The following KDM4C variants were observed in gnomAD, a reference collection of about 807,000 sequenced individuals.
KDM4C encodes the protein lysine demethylase 4C, also known as lysine-specific demethylase 4C.
In KDM4C, 81 loss-of-function variants were observed where a neutral mutation model predicts 129.3. That is an observed-to-expected ratio of 0.63 (90% CI 0.52 to 0.75). KDM4C has a LOEUF of 0.75. KDM4C is among the 30% of genes least tolerant of loss of function. The pLI is 0.00. For synonymous variants in KDM4C, 573 were observed against 456.1 expected (o/e 1.26, Z -3.26); for missense variants, 1,457 against 1,304.0 (o/e 1.12, Z -1.81).
At chr9:6,987,843 T>G (rs1365249370) in intron 11 of KDM4C, among the ~76,000 whole-genome samples, 1 of 152,014 alleles carries the variant, frequency 6.6e-6, no homozygotes, top group Non-Finnish European at 1.5e-5. Context: ...GAAAATAGCA[T>G]TCACATACTA....
At chr9:7,167,251 A>C (rs1359990635) in intron 20 of KDM4C, among the ~76,000 whole-genome samples, 1 of 152,178 alleles carries the variant, frequency 6.6e-6, no homozygotes, top group Non-Finnish European at 1.5e-5. Flanking sequence ...ACTAGGGTGG[A>C]CAACCATCCC....
intron 15 of KDM4C, among the ~76,000 whole-genome samples, chr9:7,044,026 A>C (rs1198491653): frequency 6.6e-6 from 1 of 152,020 alleles, no homozygotes; most frequent in African/African-American, 2.4e-5. Flanking sequence ...AATTAACCTG[A>C]CAGATATTCC....
chr9:6,962,807 T>G (rs1275527540), intron 8 of KDM4C, among the ~76,000 whole-genome samples: 3 of 152,198 alleles, frequency 2.0e-5, no homozygotes, highest in African/African-American at 7.2e-5. Context: ...ATTTTTAAAA[T>G]CTCATGTAAT....
intron 17 of KDM4C, among the ~76,000 whole-genome samples, chr9:7,050,786 A>G (rs1364570255): frequency 7.2e-5 from 11 of 152,098 alleles, no homozygotes; most frequent in Admixed American, 6.6e-4. Flanking sequence ...AACGTTACCC[A>G]CATCAGTCCC....
intron 12 of KDM4C, among the ~76,000 whole-genome samples, chr9:6,995,729 T>G (rs970280443): frequency 2.2e-4 from 33 of 152,174 alleles, no homozygotes; most frequent in Non-Finnish European, 3.2e-4. Flanking sequence ...TGGAGTGCAG[T>G]GGCGCAGTCT....
At chr9:7,098,127 T>C (rs1836664292) in intron 17 of KDM4C, among the ~76,000 whole-genome samples, 1 of 152,254 alleles carries the variant, frequency 6.6e-6, no homozygotes, top group Non-Finnish European at 1.5e-5. Flanking sequence ...GCCTTGGCCT[T>C]TCCAGTTCTA....
chr9:6,908,534 G>A (rs1484903141), intron 8 of KDM4C, among the ~76,000 whole-genome samples: 1 of 152,092 alleles, frequency 6.6e-6, no homozygotes, highest in Non-Finnish European at 1.5e-5. Context: ...ACCCCACCTG[G>A]CCCAACATGC....
intron 8 of KDM4C, among the ~76,000 whole-genome samples, chr9:6,912,030 ATCTGTGAAGG>A (rs1819410931): frequency 6.6e-6 from 1 of 152,194 alleles, no homozygotes; most frequent in African/African-American, 2.4e-5. Flanking sequence ...TAGCCAGACC[ATCTGTGAAGG>A]TTTCTCCCAG....
intron 1 of KDM4C, chr9:6,726,687 A>G (rs1425312268): frequency 6.6e-6 from 1 of 152,120 alleles, no homozygotes; most frequent in Non-Finnish European, 1.5e-5. Context: ...ACTGACAATC[A>G]TGTTTGCACT....
At chr9:6,790,785 C>G (rs954329674) in intron 1 of KDM4C, among the ~76,000 whole-genome samples, 5 of 151,976 alleles carry the variant, frequency 3.3e-5, no homozygotes, top group African/African-American at 1.2e-4. Context: ...CTGAGGCAGC[C>G]ACTTTAGTGC....
At chr9:6,789,794 AG>A (rs1185653618) in intron 1 of KDM4C, among the ~76,000 whole-genome samples, 2 of 152,092 alleles carry the variant, frequency 1.3e-5, no homozygotes, top group East Asian at 3.9e-4. Flanking sequence ...GTAGCCTGGA[AG>A]GTTTTTCCCT....
intron 1 of KDM4C, among the ~76,000 whole-genome samples, chr9:6,782,205 C>T (rs191119511): frequency 9.2e-5 from 14 of 152,134 alleles, no homozygotes; most frequent in African/African-American, 2.4e-4. Flanking sequence ...TGTGGAGTGC[C>T]GAGAGCATTT....
intron 6 of KDM4C, among the ~76,000 whole-genome samples, chr9:6,880,623 C>G (rs952862729): frequency 6.6e-6 from 1 of 152,134 alleles, no homozygotes; most frequent in African/African-American, 2.4e-5. Flanking sequence ...CCTTCTTGGA[C>G]TGGCAAAATT....
chr9:6,726,446 T>G (rs1477005674), intron 1 of KDM4C: 1 of 152,294 alleles, frequency 6.6e-6, no homozygotes, highest in East Asian at 1.9e-4. Context: ...GCTAAGTCAG[T>G]GATGACACAT....
rs1421394358 is a variant in KDM4C, at chr9:6,758,385, C to A, written c.-18+182C>A. On this transcript the variant is annotated intron_variant, in intron 1 of 21. Coordinates refer to ENST00000381309, the MANE Select transcript of KDM4C (RefSeq NM_015061.6). This position sits in a 1 kb window ranked among gnomAD's most constrained non-coding sequence, Gnocchi z 4.6. Reference sequence around the variant, plus strand: ...TCAAGCTGGGGAGGGAGCGGCCGGCCGCGGCCGCAGGGGAGGGATGCGGGG... The same window carrying A: ...TCAAGCTGGGGAGGGAGCGGCCGGCAGCGGCCGCAGGGGAGGGATGCGGGG... 1.3e-5 allele frequency among the ~76,000 whole-genome samples: 2 copies of A among 151,924 alleles called. No homozygotes were observed. Among genetic ancestry groups the A allele is most frequent in the Non-Finnish European group, 2.9e-5 (2 of 67,940 alleles).
chr9:6,986,438 G>A lies in KDM4C; in HGVS notation c.1449G>A (p.Glu483=). The change falls in exon 11 of 22, where the codon GAG becomes GAA. Residue 483 remains glutamate (E), a synonymous_variant. Coordinates refer to ENST00000381309, the MANE Select transcript of KDM4C (RefSeq NM_015061.6). ...GAAGTGTACCTTCTATATCCAGTGA[G>A]GCTGATGATTCCATTCCATTGTCTA... The part of the protein sequence containing the change: ...AYRSVPSISS[E]ADDSIPLSSG... 3 of 1,614,012 alleles carry A rather than the reference G, an allele frequency of 1.9e-6. No homozygotes were observed. The highest frequency in any genetic ancestry group is 2.5e-6 in the Non-Finnish European group (3 of 1,179,900).
rs894250284 is a variant in KDM4C, at chr9:6,758,275, C to T, written c.-18+72C>T. ...GGAGAGGTCTTCCCGGCACTGCCCC[C>T]CTCCGCGTGGGGCACGGGGGTGCGG... On this transcript the variant is annotated intron_variant, in intron 1 of 21. Coordinates refer to ENST00000381309, the MANE Select transcript of KDM4C (RefSeq NM_015061.6). This position sits in a 1 kb window ranked among gnomAD's most constrained non-coding sequence, Gnocchi z 4.6. 7 of 890,604 alleles carry T rather than the reference C, an allele frequency of 7.9e-6. No homozygotes were observed. The highest frequency in any genetic ancestry group is 4.0e-6 in the Non-Finnish European group (3 of 743,608). 55.2% of individuals were successfully genotyped at this position (890,604 alleles called of 1,614,324 possible).
At chr9:6,962,125 A>G (rs1010944596) in intron 8 of KDM4C, among the ~76,000 whole-genome samples, 1 of 152,216 alleles carries the variant, frequency 6.6e-6, no homozygotes, top group Admixed American at 6.5e-5. Flanking sequence ...AAATGAATTA[A>G]ATTGATTGAT....
chr9:6,991,787 G>A (rs1184969988), intron 12 of KDM4C, among the ~76,000 whole-genome samples: 1 of 152,170 alleles, frequency 6.6e-6, no homozygotes, highest in Non-Finnish European at 1.5e-5. Context: ...TGCAGTCCCA[G>A]CTGCCTGGGA....
Sources: gnomAD v4.1 joint callset for allele counts (sites outside exome capture counted in the v4.1 genomes callset) on GRCh38, gnomAD v4.1.1 for gene constraint, Gnocchi (gnomAD v3.1) non-coding constraint, MANE v1.5 for transcripts, NCBI Gene and HGNC (gene_info 2026-07-23, HGNC 2026-07-21) for gene names.